The following NR6A1 variants were observed in gnomAD, a reference collection of about 807,000 sequenced individuals.
The protein encoded by NR6A1 is nuclear receptor subfamily 6 group A member 1.
In NR6A1, 7 loss-of-function variants were observed where a neutral mutation model predicts 59.1. That is an observed-to-expected ratio of 0.12 (90% CI 0.07 to 0.22). The LOEUF (loss-of-function observed/expected upper bound fraction) is 0.22. Among genes scored for constraint, NR6A1 ranks in the 10% least tolerant of loss-of-function variants. The pLI is 1.00. For missense variants in NR6A1, 468 were observed against 611.6 expected, an observed-to-expected ratio of 0.77 and a Z score of 2.48; for synonymous variants, 243 against 236.1, an observed-to-expected ratio of 1.03 and a Z score of -0.27.
At chr9:124,665,170 C>A (rs1321662389) in intron 2 of NR6A1, among the ~76,000 whole-genome samples, 1 of 140,940 alleles carries the variant, frequency 7.1e-6, no homozygotes, top group Non-Finnish European at 1.5e-5. Flanking sequence ...AGGGTGACAA[C>A]AAGAACCTTT....
At chr9:124,598,519 T>C (rs192395643) in intron 2 of NR6A1, among the ~76,000 whole-genome samples, 2 of 152,162 alleles carry the variant, frequency 1.3e-5, no homozygotes, top group Admixed American at 6.5e-5. Flanking sequence ...CAAACATACG[T>C]AGCATTTGCA....
Position 124,521,918 on chromosome 9 carries a change from A to G in NR6A1, c.*787T>C, listed in dbSNP as rs530513308. 3 of 152,418 alleles carry G rather than the reference A, an allele frequency of 2.0e-5. No individual in the cohort carries two copies. In the East Asian group the frequency reaches 5.8e-4, roughly 29 times the overall value. The allele number at this position is 152,418 out of a possible 1,614,324, so 9.4% of individuals were successfully genotyped here. A position where few individuals can be genotyped will look rare whatever the true frequency, so the allele number is the denominator to read the frequency against. The stretch of plus-strand genomic sequence containing the variant: ...GAGTCCTGTGGATCAAGTGATTGCC[A>G]GGACTTTGCCTAGATGGAAAGTTCG... On this transcript the variant is annotated 3_prime_UTR_variant, in exon 10 of 10. Coordinates refer to ENST00000487099, the MANE Select transcript of NR6A1 (RefSeq NM_033334.4).
chr9:124,734,402 G>A (rs142628191), intron 1 of NR6A1, among the ~76,000 whole-genome samples: 296 of 152,274 alleles, frequency 1.9e-3, no homozygotes, highest in African/African-American at 6.4e-3. Flanking sequence ...CAGAAATATC[G>A]GATCTTGGTG....
chr9:124,614,461 T>C (rs575454397), intron 2 of NR6A1, among the ~76,000 whole-genome samples: 1 of 152,282 alleles, frequency 6.6e-6, no homozygotes, highest in South Asian at 2.1e-4. Context: ...CCCTCGGGTA[T>C]TCTAAGAGCA....
intron 2 of NR6A1, among the ~76,000 whole-genome samples, chr9:124,567,114 A>T (rs901315707): frequency 5.3e-5 from 8 of 152,154 alleles, no homozygotes; most frequent in East Asian, 3.9e-4. Flanking sequence ...TCTCAAAAAA[A>T]AAAAAATAAA....
chr9:124,626,717 C>T (rs916174976), intron 2 of NR6A1, among the ~76,000 whole-genome samples: 3 of 152,046 alleles, frequency 2.0e-5, no homozygotes, highest in Non-Finnish European at 2.9e-5. Flanking sequence ...GGGTGGATCA[C>T]GGGGTCAGGA....
At chr9:124,636,378 T>TTGACAGTGAA in intron 2 of NR6A1, among the ~76,000 whole-genome samples, 1 of 152,322 alleles carries the variant, frequency 6.6e-6, no homozygotes, top group East Asian at 1.9e-4. Flanking sequence ...TTTCATTCCA[T>TTGACAGTGAA]TGACAGTGTT....
At chr9:124,745,849 T>C (rs757576085) in intron 1 of NR6A1, among the ~76,000 whole-genome samples, 1 of 149,362 alleles carries the variant, frequency 6.7e-6, no homozygotes, top group Non-Finnish European at 1.5e-5. Context: ...GGCATGGTGG[T>C]GCATGCCTGT....
At chr9:124,538,416 A>G (rs962325256) in intron 5 of NR6A1, 97 bp from the exon 6 acceptor site, 3 of 868,284 alleles carry the variant, frequency 3.5e-6, no homozygotes, top group Non-Finnish European at 5.5e-6. Flanking sequence ...TTCTTTGAAC[A>G]TGAGGTATGT....
intron 2 of NR6A1, among the ~76,000 whole-genome samples, chr9:124,705,776 T>C (rs928983022): frequency 7.6e-6 from 1 of 130,860 alleles, no homozygotes; most frequent in African/African-American, 2.6e-5. Flanking sequence ...ACCATTTCAA[T>C]CCCCCCTTTT....
At chr9:124,617,750 A>G (rs1835942252) in intron 2 of NR6A1, among the ~76,000 whole-genome samples, 1 of 152,206 alleles carries the variant, frequency 6.6e-6, no homozygotes, top group Non-Finnish European at 1.5e-5. Flanking sequence ...TGATCAGAAG[A>G]CAAAGGCAAA....
chr9:124,630,133 C>G (rs896915425), intron 2 of NR6A1, among the ~76,000 whole-genome samples: 2 of 150,764 alleles, frequency 1.3e-5, no homozygotes, highest in African/African-American at 4.9e-5. Flanking sequence ...TTTTATCATA[C>G]AATATCTAGA....
intron 2 of NR6A1, among the ~76,000 whole-genome samples, chr9:124,638,716 T>C (rs982871446): frequency 1.6e-4 from 24 of 152,158 alleles, no homozygotes; most frequent in African/African-American, 5.6e-4. Flanking sequence ...AAAGTTAAAA[T>C]GGAATAAATA....
intron 2 of NR6A1, among the ~76,000 whole-genome samples, chr9:124,584,150 C>T (rs1834852502): frequency 6.7e-6 from 1 of 148,772 alleles, no homozygotes; most frequent in Non-Finnish European, 1.5e-5. Context: ...GGCTGGAGTG[C>T]AGTGGGTGGC....
intron 6 of NR6A1, among the ~76,000 whole-genome samples, chr9:124,536,356 T>C (rs1372300654): frequency 2.6e-5 from 4 of 151,814 alleles, no homozygotes; most frequent in Non-Finnish European, 5.9e-5. Flanking sequence ...GAGGAAAGGC[T>C]GCTAAGGGGA....
chr9:124,566,874 C>A (rs1474538592), intron 2 of NR6A1, among the ~76,000 whole-genome samples: 1 of 152,076 alleles, frequency 6.6e-6, no homozygotes, highest in Non-Finnish European at 1.5e-5. Context: ...TTTGGGAGGC[C>A]AAGGCGGGCG....
intron 2 of NR6A1, chr9:124,658,406 A>G (rs1837325679): frequency 6.6e-6 from 1 of 152,248 alleles, no homozygotes. Flanking sequence ...CATCTGGGTC[A>G]TATATAGTTC....
chr9:124,727,990 T>G (rs1839772571), intron 2 of NR6A1, among the ~76,000 whole-genome samples: 1 of 151,292 alleles, frequency 6.6e-6, no homozygotes, highest in Non-Finnish European at 1.5e-5. Flanking sequence ...GCCTAATGAC[T>G]TCATTTTTAT....
chr9:124,641,978 T>C (rs1836779263), intron 2 of NR6A1, among the ~76,000 whole-genome samples: 1 of 152,110 alleles, frequency 6.6e-6, no homozygotes, highest in Non-Finnish European at 1.5e-5. Flanking sequence ...TGGCCCAATA[T>C]AAGCTCAGGC....
Sources: allele counts gnomAD v4.1 joint callset (sites outside exome capture counted in the v4.1 genomes callset), GRCh38; gene constraint gnomAD v4.1.1; transcripts MANE v1.5; gene names NCBI Gene and HGNC (gene_info 2026-07-23, HGNC 2026-07-21).